The following NAV2 variants were observed in gnomAD, a reference collection of about 807,000 sequenced individuals.
NAV2 encodes helicase, APC down-regulated 1.
A neutral mutation model predicts 223.2 loss-of-function variants in NAV2; 54 were observed. That is an observed-to-expected ratio of 0.24 (90% CI 0.19 to 0.30). The LOEUF (loss-of-function observed/expected upper bound fraction) is 0.30. Among genes scored for constraint, NAV2 ranks in the 10% least tolerant of loss-of-function variants. NAV2 has a pLI of 1.00. For missense variants in NAV2, 2,806 were observed against 3,147.5 expected (o/e 0.89, Z 2.60); for synonymous variants, 1,279 against 1,239.3 (o/e 1.03, Z -0.67).
chr11:19,597,276 A>C (rs2046229335), intron 1 of NAV2, among the ~76,000 whole-genome samples: 1 of 152,248 alleles, frequency 6.6e-6, no homozygotes, highest in Non-Finnish European at 1.5e-5. Flanking sequence ...AAATCTATTT[A>C]TGAAAGAGTT....
At chr11:19,868,249 T>C (rs1001341553) in intron 3 of NAV2, among the ~76,000 whole-genome samples, 2 of 152,158 alleles carry the variant, frequency 1.3e-5, no homozygotes, top group Non-Finnish European at 1.5e-5. Context: ...AAAAAACAAT[T>C]AGCCCTGACA....
chr11:20,082,680 G>A (rs771533827), intron 25 of NAV2: 50 of 1,351,130 alleles, frequency 3.7e-5, no homozygotes, highest in South Asian at 4.7e-5. Flanking sequence ...ATCCATCACC[G>A]TGTCTGAGCA....
At chr11:19,371,043 CAAGAGACTTAATGTCACACAGCAGCA>C (rs1382586745) in intron 1 of NAV2, among the ~76,000 whole-genome samples, 3 of 152,160 alleles carry the variant, frequency 2.0e-5, no homozygotes, top group African/African-American at 7.2e-5. Flanking sequence ...TCTCAGATGG[CAAGAGACTTAATGTCACACAGCAGCA>C]GGTTAGCCTC....
intron 11 of NAV2, among the ~76,000 whole-genome samples, chr11:20,002,375 C>A (rs929662001): frequency 3.3e-5 from 5 of 152,104 alleles, no homozygotes; most frequent in African/African-American, 1.2e-4. Context: ...GATCCCAAAG[C>A]CCTCTCTCTA....
chr11:19,842,720 G>A (rs919892770), intron 2 of NAV2, 151 bp from the exon 3 acceptor site: 7 of 608,866 alleles, frequency 1.1e-5, no homozygotes, highest in Non-Finnish European at 2.0e-5. Flanking sequence ...CCTGAAGCTT[G>A]CTAGATGTGT....
chr11:19,802,295 G>A lies in NAV2; in HGVS notation c.268-30189G>A, dbSNP rs554492500. Among the ~76,000 whole-genome samples the A allele has an allele frequency of 1.8e-4, 28 of 152,206 alleles. No individual in the cohort carries two copies. In the South Asian group the frequency reaches 2.7e-3, roughly 15 times the overall value. ...GCAAGGGATTCATGCATCAAGGAGG[G>A]GTGGGATTGGGCTAGAGGGCTTGGC... On this transcript the variant is annotated intron_variant, in intron 1 of 37. Coordinates refer to ENST00000349880, the MANE Select transcript of NAV2 (RefSeq NM_145117.5).
At chr11:19,877,154 C>T (rs1196692648) in intron 4 of NAV2, among the ~76,000 whole-genome samples, 1 of 151,818 alleles carries the variant, frequency 6.6e-6, no homozygotes, top group Non-Finnish European at 1.5e-5. Flanking sequence ...GTCATAAAAC[C>T]TTTCTGAGCT....
intron 6 of NAV2, among the ~76,000 whole-genome samples, chr11:19,932,763 GTC>G (rs1565584533): frequency 6.6e-6 from 1 of 152,116 alleles, no homozygotes; most frequent in African/African-American, 2.4e-5. Flanking sequence ...GTATTTTAAT[GTC>G]TCTGATACAT....
At chr11:19,500,932 A>G (rs2042944466) in intron 1 of NAV2, among the ~76,000 whole-genome samples, 1 of 152,178 alleles carries the variant, frequency 6.6e-6, no homozygotes, top group African/African-American at 2.4e-5. Context: ...TTACACTTTC[A>G]TAGGTTAGAA....
chr11:19,496,759 A>G (rs16936829), intron 1 of NAV2, among the ~76,000 whole-genome samples: 18,316 of 152,264 alleles, frequency 0.12, 1,224 homozygotes, highest in East Asian at 0.22. Context: ...CGAATGAACA[A>G]GCTATTTTAA....
At position 19,929,507 on chromosome 11, in the gene NAV2, C is replaced by G. The variant is rs1039914449; in HGVS notation, c.932-3669C>G. ...TCTAGCACCACTCAAGACTCCTGCTCTAGAAACCAAATTCAGAATCATACC... is the reference window on the plus strand; with the variant it reads ...TCTAGCACCACTCAAGACTCCTGCTGTAGAAACCAAATTCAGAATCATACC... On this transcript the variant is annotated intron_variant, in intron 6 of 37. Transcript: ENST00000349880. 3.3e-5 allele frequency among the ~76,000 whole-genome samples: 5 copies of G among 152,128 alleles called. No homozygotes were observed. In the East Asian group the frequency reaches 9.7e-4, roughly 29 times the overall value.
At chr11:19,411,813 C>T (rs1850158162) in intron 1 of NAV2, among the ~76,000 whole-genome samples, 1 of 152,152 alleles carries the variant, frequency 6.6e-6, no homozygotes, top group African/African-American at 2.4e-5. Context: ...TGGTACATCC[C>T]CATGACCCCT....
At chr11:20,051,230 T>A in intron 16 of NAV2, 59 bp from the exon 17 acceptor site, 1 of 1,472,234 alleles carries the variant, frequency 6.8e-7, no homozygotes, top group East Asian at 2.3e-5. Flanking sequence ...TAGCTTTCCC[T>A]CTCTCTGCCT....
At chr11:19,953,864 T>TGC (rs2047605973) in intron 10 of NAV2, among the ~76,000 whole-genome samples, 1 of 151,608 alleles carries the variant, frequency 6.6e-6, no homozygotes, top group Admixed American at 6.6e-5. Context: ...CGCGCGTGTG[T>TGC]GTGTGTGTGT....
chr11:19,759,090 CTTTTTTTTTTTTTT>C (rs55675583), intron 1 of NAV2, among the ~76,000 whole-genome samples: 7 of 63,846 alleles, frequency 1.1e-4, no homozygotes, highest in Admixed American at 6.4e-4. Flanking sequence ...CTGAAAGACA[CTTTTTTTTTTTTTT>C]TTTTTTTTTT....
intron 2 of NAV2, among the ~76,000 whole-genome samples, chr11:19,833,918 A>G (rs755271564): frequency 2.7e-4 from 41 of 152,226 alleles, no homozygotes; most frequent in Non-Finnish European, 5.7e-4. Context: ...GGGCCTCCCA[A>G]TATCTGCCTG....
intron 3 of NAV2, among the ~76,000 whole-genome samples, chr11:19,845,386 GAC>G (rs749594542): frequency 5.9e-5 from 9 of 152,190 alleles, no homozygotes; most frequent in Non-Finnish European, 1.0e-4. Flanking sequence ...GAAGGAAGAT[GAC>G]ACACAATGAG....
chr11:20,117,902 A>G (rs1044653602), intron 37 of NAV2, among the ~76,000 whole-genome samples: 3 of 152,226 alleles, frequency 2.0e-5, no homozygotes, highest in African/African-American at 7.2e-5. Context: ...ACCAGTAAAG[A>G]AACAAGTATA....
At position 19,525,903 on chromosome 11, in the gene NAV2, G is replaced by A. The variant is rs1046078322; in HGVS notation, c.75+174876G>A. Among the ~76,000 whole-genome samples the A allele has an allele frequency of 2.6e-5, 4 of 152,180 alleles. No homozygotes were observed. In the South Asian group the frequency reaches 8.3e-4, roughly 32 times the overall value. The stretch of plus-strand genomic sequence containing the variant: ...GTAGTTCAGAAAAACCAGTCTTCAG[G>A]CTTAGGGGAAGCTGGACGTGTATCC... On this transcript the variant is annotated intron_variant, in intron 1 of 37. Transcript: ENST00000360655.
Sources: allele counts gnomAD v4.1 joint callset (sites outside exome capture counted in the v4.1 genomes callset), GRCh38; gene constraint gnomAD v4.1.1; transcripts MANE v1.5; gene names NCBI Gene and HGNC (gene_info 2026-07-23, HGNC 2026-07-21).